The following CRB1 variants were observed in gnomAD, a reference collection of about 807,000 sequenced individuals.
CRB1 encodes the protein crumbs cell polarity complex component 1, also known as protein crumbs homolog 1.
In CRB1, 83 loss-of-function variants were observed where a neutral mutation model predicts 120.0. The ratio of observed to expected loss-of-function variants is 0.69; its 90% CI spans 0.58 to 0.83. The LOEUF is 0.83. Among genes scored for constraint, CRB1 ranks in the 40% least tolerant of loss-of-function variants. The pLI is 0.00. For synonymous variants in CRB1, 625 were observed against 612.5 expected (o/e 1.02, Z -0.30); for missense variants, 1,699 against 1,687.6 (o/e 1.01, Z -0.12).
At chr1:197,411,672 A>T (rs1663719729) in intron 5 of CRB1, among the ~76,000 whole-genome samples, 1 of 152,126 alleles carries the variant, frequency 6.6e-6, no homozygotes, top group Non-Finnish European at 1.5e-5. Flanking sequence ...TCACTCTGAT[A>T]TATTAGCTAT....
chr1:197,387,216 C>A (rs1662261914), intron 5 of CRB1, among the ~76,000 whole-genome samples: 2 of 152,098 alleles, frequency 1.3e-5, no homozygotes, highest in East Asian at 1.9e-4. Flanking sequence ...AATTCTCCTG[C>A]CTCAGCCTCC....
At chr1:197,442,400 T>C in intron 11 of CRB1, 108 bp downstream of exon 11, 1 of 1,605,016 alleles carries the variant, frequency 6.2e-7, no homozygotes, top group South Asian at 1.1e-5. Context: ...TTGAGTGGGG[T>C]GAACAGGAAG....
the CRB1 span, among the ~76,000 whole-genome samples, chr1:197,253,277 C>T: frequency 1.2e-4 from 18 of 152,054 alleles, no homozygotes; most frequent in African/African-American, 4.3e-4. Context: ...CTTTATCACA[C>T]TTTGCTACTT....
chr1:197,396,966 AG>A (rs1195227113), intron 5 of CRB1, among the ~76,000 whole-genome samples: 3 of 152,148 alleles, frequency 2.0e-5, no homozygotes, highest in Non-Finnish European at 4.4e-5. Context: ...CAAAATTAAA[AG>A]TTTCAGCTCT....
chr1:197,472,751 C>T (rs1054654057), intron 11 of CRB1, among the ~76,000 whole-genome samples: 6 of 152,164 alleles, frequency 3.9e-5, no homozygotes, highest in South Asian at 2.1e-4. Context: ...CTTCCACCAG[C>T]GCCACATCAG....
intron 5 of CRB1, among the ~76,000 whole-genome samples, chr1:197,388,345 G>A (rs1417759757): frequency 6.6e-6 from 1 of 151,906 alleles, no homozygotes; most frequent in Non-Finnish European, 1.5e-5. Flanking sequence ...CCTAAACAAT[G>A]TCATCATTAT....
chr1:197,253,869 A>G, the CRB1 span, among the ~76,000 whole-genome samples: 6 of 152,024 alleles, frequency 3.9e-5, no homozygotes, highest in Non-Finnish European at 5.9e-5. Flanking sequence ...ATTACCACCT[A>G]TAAGTAAGCC....
chr1:197,301,352 G>A (rs530219144), intron 1 of CRB1, among the ~76,000 whole-genome samples: 2 of 152,024 alleles, frequency 1.3e-5, no homozygotes, highest in African/African-American at 4.8e-5. Flanking sequence ...TTTTAGTAGA[G>A]ACGGGGTTTC....
chr1:197,380,493 C>T (rs1231480408), intron 5 of CRB1, among the ~76,000 whole-genome samples: 4 of 152,086 alleles, frequency 2.6e-5, no homozygotes, highest in Admixed American at 1.3e-4. Flanking sequence ...CTGATTTCCC[C>T]ACAGAAGCAG....
intron 6 of CRB1, among the ~76,000 whole-genome samples, chr1:197,426,771 C>A (rs1204143121): frequency 6.6e-6 from 1 of 152,078 alleles, no homozygotes; most frequent in Non-Finnish European, 1.5e-5. Flanking sequence ...AACTGCCTTG[C>A]TTCTTATGTG....
chr1:197,370,119 G>A (rs1259989006), intron 5 of CRB1, among the ~76,000 whole-genome samples: 1 of 151,904 alleles, frequency 6.6e-6, no homozygotes, highest in African/African-American at 2.4e-5. Context: ...CCACTTCCAA[G>A]CCAGGACTAC....
At chr1:197,406,576 A>T (rs1444580092) in intron 5 of CRB1, among the ~76,000 whole-genome samples, 3 of 152,216 alleles carry the variant, frequency 2.0e-5, no homozygotes, top group East Asian at 3.8e-4. Flanking sequence ...GATCAATAAA[A>T]AAATAAATAA....
chr1:197,236,695 C>T, the CRB1 span, among the ~76,000 whole-genome samples: 1 of 152,150 alleles, frequency 6.6e-6, no homozygotes, highest in Non-Finnish European at 1.5e-5. Flanking sequence ...AAGTTCCCCT[C>T]TATCCCTGTT....
chr1:197,434,617 T>G (rs1665032656), intron 8 of CRB1, 89 bp from the exon 9 acceptor site: 1 of 1,182,692 alleles, frequency 8.5e-7, no homozygotes, highest in Non-Finnish European at 1.2e-6. Context: ...GCAATGTTAT[T>G]AACACAATGA....
chr1:197,252,360 A>T, the CRB1 span, among the ~76,000 whole-genome samples: 1 of 150,288 alleles, frequency 6.7e-6, no homozygotes, highest in Non-Finnish European at 1.5e-5. Context: ...CGTCTTGCAA[A>T]CCACAGTGCA....
the CRB1 span, among the ~76,000 whole-genome samples, chr1:197,227,896 C>T: frequency 6.6e-6 from 1 of 152,208 alleles, no homozygotes; most frequent in African/African-American, 2.4e-5. Context: ...TCCCAAACTT[C>T]AATTCTTGAC....
intron 11 of CRB1, among the ~76,000 whole-genome samples, chr1:197,457,386 A>C (rs2125542024): frequency 6.6e-6 from 1 of 152,270 alleles, no homozygotes; most frequent in South Asian, 2.1e-4. Context: ...AGAGAGGATA[A>C]GTATCTTTTC....
intron 1 of CRB1, among the ~76,000 whole-genome samples, chr1:197,272,324 C>T (rs894557313): frequency 3.9e-5 from 6 of 152,208 alleles, no homozygotes; most frequent in African/African-American, 1.4e-4. Context: ...ATAATCTCAT[C>T]AGTTTACAGT....
chr1:197,208,839 G>T, the CRB1 span, among the ~76,000 whole-genome samples: 2 of 152,142 alleles, frequency 1.3e-5, no homozygotes, highest in Non-Finnish European at 2.9e-5. Flanking sequence ...GGTAGAGAAA[G>T]ACCATCAGGT....
Sources: gnomAD v4.1 joint callset for allele counts (sites outside exome capture counted in the v4.1 genomes callset) on GRCh38, gnomAD v4.1.1 for gene constraint, MANE v1.5 for transcripts, NCBI Gene and HGNC (gene_info 2026-07-23, HGNC 2026-07-21) for gene names.